Variants in SHISA5 observed in about 807,000 individuals in gnomAD.
SHISA5 encodes protein shisa-5.
A neutral mutation model predicts 27.5 loss-of-function variants in SHISA5; 21 were observed. The observed-to-expected ratio is 0.76, with a 90% CI of 0.54 to 1.10. SHISA5 has a LOEUF of 1.10. Among genes scored for constraint, SHISA5 ranks in the 50% least tolerant of loss-of-function variants. The probability of loss-of-function intolerance (pLI) is 0.00; values close to 1 mark genes in which losing one functional copy is unlikely to be tolerated. For missense variants in SHISA5, 314 were observed against 336.3 expected, an observed-to-expected ratio of 0.93 and a Z score of 0.52; for synonymous variants, 137 against 142.2, an observed-to-expected ratio of 0.96 and a Z score of 0.26.
chr3:48,472,920 G>A, intron 3 of SHISA5: 1 of 1,285,592 alleles, frequency 7.8e-7, no homozygotes. Flanking sequence ...CGCCATCAAT[G>A]ACATGCGACC....
intron 1 of SHISA5, among the ~76,000 whole-genome samples, chr3:48,503,376 C>T (rs2041810428): frequency 1.3e-5 from 2 of 152,170 alleles, no homozygotes; most frequent in Non-Finnish European, 2.9e-5. Flanking sequence ...CATCCCAGCC[C>T]CCAGGAAATA....
intron 2 of SHISA5, among the ~76,000 whole-genome samples, chr3:48,496,425 C>G (rs1158788360): frequency 6.6e-6 from 1 of 152,062 alleles, no homozygotes; most frequent in Non-Finnish European, 1.5e-5. Context: ...AACCCCGTCT[C>G]TACTAAAAAT....
chr3:48,478,596 G>A (rs2040898374), intron 3 of SHISA5, among the ~76,000 whole-genome samples: 1 of 152,118 alleles, frequency 6.6e-6, no homozygotes, highest in African/African-American at 2.4e-5. Context: ...GCCCAGCCAA[G>A]GGGACTGGGG....
chr3:48,473,345 T>C lies in SHISA5; in HGVS notation c.315-3502A>G, dbSNP rs1232927424. On this transcript the variant is annotated intron_variant, in intron 3 of 5. Transcript: ENST00000296444. This position sits in a 1 kb window ranked among gnomAD's most constrained non-coding sequence, Gnocchi z 4.3. The stretch of plus-strand genomic sequence containing the variant: ...TGACCTCAGAATGCAGCCTGGCCAC[T>C]AGGGGGTCTAAGAGCCACCCCAGCC... The C allele has an allele frequency of 2.2e-6, 3 of 1,368,916 alleles. No homozygotes were observed. The highest frequency in any genetic ancestry group is 1.2e-5 in the South Asian group (1 of 80,804). 84.8% of individuals were successfully genotyped at this position (1,368,916 alleles called of 1,614,324 possible).
rs1483181221 is a variant in SHISA5 at position 48,473,683 on chromosome 3, G to A, written c.315-3840C>T. The A allele has an allele frequency of 1.3e-5, 11 of 824,316 alleles. No homozygotes were observed. The East Asian group carries it at 1.1e-3, about 84-fold the overall frequency. The allele number at this position is 824,316 out of a possible 1,614,324, so 51.1% of individuals were successfully genotyped here. A position where few individuals can be genotyped will look rare whatever the true frequency, so the allele number is the denominator to read the frequency against. On this transcript the variant is annotated intron_variant, in intron 3 of 5. Coordinates refer to ENST00000296444, the MANE Select transcript of SHISA5 (RefSeq NM_016479.6). The surrounding 1 kb of genome is among the most constrained non-coding windows in gnomAD (Gnocchi z 4.3). ...CAGCTATGGCTCCTGTAGCTCTTGC[G>A]ATTACAAAGGAATTTGCTTTATAAT... is the stretch of plus-strand genomic sequence containing the variant.
chr3:48,472,391 G>T (rs1191040495), intron 3 of SHISA5, among the ~76,000 whole-genome samples: 1 of 151,932 alleles, frequency 6.6e-6, no homozygotes, highest in Non-Finnish European at 1.5e-5. Context: ...AGCTACTGGG[G>T]AGGCTGAGGC....
intron 1 of SHISA5, chr3:48,503,086 G>C: frequency 7.8e-7 from 1 of 1,289,166 alleles, no homozygotes; most frequent in Non-Finnish European, 1.0e-6. Flanking sequence ...AGTTTGGCCA[G>C]CTGCCCACCT....
rs763065336 is a variant in SHISA5, at chr3:48,469,878, G to A, written c.315-35C>T. ...AGCTAGACGTGACCCGGGGCACCTC[G>A]CCCCTCCCCAGACCAGCATCCACAC... On this transcript the variant is annotated intron_variant, in intron 3 of 5. Coordinates refer to ENST00000296444, the MANE Select transcript of SHISA5 (RefSeq NM_016479.6). This position sits in a 1 kb window ranked among gnomAD's most constrained non-coding sequence, Gnocchi z 4.6. 38 of 1,594,980 alleles carry A rather than the reference G, an allele frequency of 2.4e-5. No homozygotes were observed. Among genetic ancestry groups the A allele is most frequent in the Non-Finnish European group, 2.8e-5 (33 of 1,170,608 alleles).
chr3:48,501,834 C>T (rs2041762518), intron 1 of SHISA5, among the ~76,000 whole-genome samples: 1 of 151,884 alleles, frequency 6.6e-6, no homozygotes, highest in Non-Finnish European at 1.5e-5. Context: ...CTGCAGGGGA[C>T]CAGACACTGG....
chr3:48,490,702 G>GA (rs1372451051), intron 2 of SHISA5, among the ~76,000 whole-genome samples: 1 of 151,604 alleles, frequency 6.6e-6, no homozygotes, highest in African/African-American at 2.4e-5. Flanking sequence ...AAGAGACAAG[G>GA]AAAAAAAATC....
intron 2 of SHISA5, among the ~76,000 whole-genome samples, chr3:48,497,910 AGAGAGATTTCTTTCAAT>A (rs1265969349): frequency 4.0e-5 from 6 of 151,400 alleles, no homozygotes; most frequent in African/African-American, 7.3e-5. Flanking sequence ...GAAGAGAGAG[AGAGAGATTTCTTTCAAT>A]GAGAGACACT....
At chr3:48,492,150 CAAAAAAAAAAAAAAAAAAAAAAAAA>C (rs1169630533) in intron 2 of SHISA5, among the ~76,000 whole-genome samples, 35 of 18,922 alleles carry the variant, frequency 1.8e-3, no homozygotes, top group Admixed American at 4.1e-3. Context: ...GACTCCATCT[CAAAAAAAAAAAAAAAAAAAAAAAAA>C]AAAAAAAAAA....
chr3:48,486,977 G>T (rs749906231), intron 2 of SHISA5, among the ~76,000 whole-genome samples: 3 of 151,408 alleles, frequency 2.0e-5, no homozygotes, highest in Non-Finnish European at 4.4e-5. Flanking sequence ...CAGGTGTGGC[G>T]GCTCATGCCT....
intron 2 of SHISA5, among the ~76,000 whole-genome samples, chr3:48,485,872 C>T (rs2041203831): frequency 6.6e-6 from 1 of 151,352 alleles, no homozygotes; most frequent in Non-Finnish European, 1.5e-5. Context: ...CTGGAAGCTT[C>T]AGGAGACCAA....
chr3:48,491,079 C>G (rs1314953213), intron 2 of SHISA5, among the ~76,000 whole-genome samples: 1 of 150,176 alleles, frequency 6.7e-6, no homozygotes, highest in South Asian at 2.2e-4. Flanking sequence ...CCCAACCCCC[C>G]GCCCTTTGAG....
chr3:48,486,270 G>A (rs1272972140), intron 2 of SHISA5, among the ~76,000 whole-genome samples: 2 of 230 alleles, frequency 8.7e-3, no homozygotes, highest in Non-Finnish European at 0.017. Context: ...AATACATTAT[G>A]TTATATAACA....
At chr3:48,492,989 A>G (rs1269510381) in intron 2 of SHISA5, among the ~76,000 whole-genome samples, 1 of 147,710 alleles carries the variant, frequency 6.8e-6, no homozygotes, top group Non-Finnish European at 1.5e-5. Context: ...CACACAATCT[A>G]CAGTATTTCC....
At chr3:48,474,002 CAA>C (rs71625877) in intron 3 of SHISA5, among the ~76,000 whole-genome samples, 14 of 70,252 alleles carry the variant, frequency 2.0e-4, no homozygotes, top group Non-Finnish European at 2.2e-4. Flanking sequence ...GAATCTGTCT[CAA>C]AAAAAAAAAA....
chr3:48,501,092 G>A, intron 2 of SHISA5, 45 bp downstream of exon 2: 1 of 1,560,658 alleles, frequency 6.4e-7, no homozygotes, highest in South Asian at 1.2e-5. Context: ...CTCCTGTGGG[G>A]CACAGGCTCA....
Sources: gnomAD v4.1 joint callset for allele counts (sites outside exome capture counted in the v4.1 genomes callset) on GRCh38, gnomAD v4.1.1 for gene constraint, Gnocchi (gnomAD v3.1) non-coding constraint, MANE v1.5 for transcripts, NCBI Gene and HGNC (gene_info 2026-07-23, HGNC 2026-07-21) for gene names.